ABTB3: variants seen among roughly 807,000 people sequenced by gnomAD.
The protein encoded by ABTB3 is ankyrin repeat- and BTB/POZ domain-containing protein 3.
chr12:107,654,640 A>T, the ABTB3 span, among the ~76,000 whole-genome samples: 2 of 152,124 alleles, frequency 1.3e-5, no homozygotes, highest in African/African-American at 2.4e-5. Context: ...TATTCCCAGA[A>T]GTGTAGTACT....
At chr12:107,644,467 GCT>G in the ABTB3 span, among the ~76,000 whole-genome samples, 1 of 152,170 alleles carries the variant, frequency 6.6e-6, no homozygotes, top group African/African-American at 2.4e-5. Context: ...GAGAACCTGT[GCT>G]CTCAGTTACA....
At chr12:107,553,442 C>T in the ABTB3 span, among the ~76,000 whole-genome samples, 3 of 152,236 alleles carry the variant, frequency 2.0e-5, no homozygotes, top group African/African-American at 4.8e-5. Context: ...ATAAGTATCA[C>T]AAATGTCAAA....
the ABTB3 span, among the ~76,000 whole-genome samples, chr12:107,523,371 G>A: frequency 2.0e-5 from 3 of 152,150 alleles, no homozygotes; most frequent in African/African-American, 7.2e-5. Context: ...CCTAGCTACT[G>A]GTCAGTCCTG....
chr12:107,595,187 C>T, the ABTB3 span, among the ~76,000 whole-genome samples: 48 of 152,324 alleles, frequency 3.2e-4, no homozygotes, highest in African/African-American at 1.0e-3. Flanking sequence ...AATTAGTCAG[C>T]GCTTCTGGTG....
At chr12:107,657,441 G>A in the ABTB3 span, 2 of 1,369,124 alleles carry the variant, frequency 1.5e-6, no homozygotes, top group Non-Finnish European at 2.1e-6. Flanking sequence ...CATTAGCTCT[G>A]AAGGCATAAT....
chr12:107,605,136 A>G, the ABTB3 span, among the ~76,000 whole-genome samples: 2 of 152,248 alleles, frequency 1.3e-5, no homozygotes, highest in Non-Finnish European at 2.9e-5. Flanking sequence ...CCATAAATAC[A>G]CACCATGCTT....
At chr12:107,331,083 C>T in the ABTB3 span, among the ~76,000 whole-genome samples, 11 of 152,142 alleles carry the variant, frequency 7.2e-5, no homozygotes, top group Non-Finnish European at 1.3e-4. Context: ...CTTCCTAATC[C>T]CAGCTCAGGT....
the ABTB3 span, chr12:107,618,290 C>T: frequency 6.2e-7 from 1 of 1,614,008 alleles, no homozygotes; most frequent in Non-Finnish European, 8.5e-7. Context: ...GCCGCAACAG[C>T]AAGGCCAAAC....
the ABTB3 span, among the ~76,000 whole-genome samples, chr12:107,564,620 G>A: frequency 2.0e-5 from 3 of 152,146 alleles, no homozygotes; most frequent in African/African-American, 4.8e-5. Context: ...CTGCACTCTT[G>A]GAAACAACTA....
chr12:107,618,425 T>C, the ABTB3 span: 1 of 1,521,742 alleles, frequency 6.6e-7, no homozygotes, highest in Non-Finnish European at 9.0e-7. Context: ...GCCCCCAGCT[T>C]TAGGTCCACA....
chr12:107,447,654 G>A, the ABTB3 span, among the ~76,000 whole-genome samples: 5 of 152,176 alleles, frequency 3.3e-5, no homozygotes, highest in African/African-American at 4.8e-5. Context: ...GTGCTTCCCA[G>A]CGCTGTATTA....
chr12:107,469,894 C>CTTTCT, the ABTB3 span, among the ~76,000 whole-genome samples: 1 of 104,964 alleles, frequency 9.5e-6, no homozygotes, highest in Non-Finnish European at 1.9e-5. Flanking sequence ...TTCTTTCTTT[C>CTTTCT]TTTCTTTCTT....
chr12:107,656,127 A>G, the ABTB3 span, among the ~76,000 whole-genome samples: 4 of 121,844 alleles, frequency 3.3e-5, no homozygotes, highest in African/African-American at 1.4e-4. Context: ...ATCTCTATTA[A>G]AAAAAATACA....
At chr12:107,543,268 G>A in the ABTB3 span, among the ~76,000 whole-genome samples, 1 of 146,902 alleles carries the variant, frequency 6.8e-6, no homozygotes, top group Admixed American at 7.1e-5. Context: ...GAACCCGGAA[G>A]GCAGAAGTTG....
At chr12:107,652,828 C>A in the ABTB3 span, among the ~76,000 whole-genome samples, 2 of 152,200 alleles carry the variant, frequency 1.3e-5, no homozygotes, top group Admixed American at 6.5e-5. Flanking sequence ...GTTCCACGTG[C>A]TGAGCACAGG....
the ABTB3 span, among the ~76,000 whole-genome samples, chr12:107,501,236 A>ATT: frequency 6.6e-6 from 1 of 152,122 alleles, no homozygotes; most frequent in Non-Finnish European, 1.5e-5. Context: ...CAGTATTATT[A>ATT]TTATCTTGCT....
the ABTB3 span, among the ~76,000 whole-genome samples, chr12:107,559,525 T>C: frequency 6.6e-6 from 1 of 152,206 alleles, no homozygotes. Flanking sequence ...TCTGAGCTCA[T>C]CCCACTTTTG....
the ABTB3 span, among the ~76,000 whole-genome samples, chr12:107,439,341 C>T: frequency 1.6e-4 from 25 of 152,332 alleles, no homozygotes; most frequent in East Asian, 4.8e-3. Context: ...CCAATCAGCT[C>T]CTCACTTCTT....
At chr12:107,618,234 G>T in the ABTB3 span, 1 of 1,614,024 alleles carries the variant, frequency 6.2e-7, no homozygotes, top group Non-Finnish European at 8.5e-7. Flanking sequence ...GATTCTGGCC[G>T]AGGGGACTGA....
Sources: allele counts gnomAD v4.1 joint callset (sites outside exome capture counted in the v4.1 genomes callset), GRCh38; gene constraint gnomAD v4.1.1; transcripts MANE v1.5; gene names NCBI Gene and HGNC (gene_info 2026-07-23, HGNC 2026-07-21).